Variants in SUFU observed in about 807,000 individuals in gnomAD.
The protein encoded by SUFU is SUFU negative regulator of hedgehog signaling, also known as suppressor of fused homolog.
A neutral mutation model predicts 58.9 loss-of-function variants in SUFU; 7 were observed. That is an observed-to-expected ratio of 0.12 (90% CI 0.07 to 0.22). SUFU has a LOEUF of 0.22. Ranked by LOEUF, SUFU falls within the 10% of genes least tolerant of loss-of-function variation. The pLI, the probability that SUFU is intolerant of heterozygous loss-of-function variation, is 1.00. For synonymous variants in SUFU, 232 were observed against 254.8 expected (o/e 0.91, Z 0.85); for missense variants, 451 against 641.3 (o/e 0.70, Z 3.20).
chr10:102,538,538 AAG>A (rs2062766236), intron 2 of SUFU, among the ~76,000 whole-genome samples: 1 of 152,164 alleles, frequency 6.6e-6, no homozygotes, highest in African/African-American at 2.4e-5. Flanking sequence ...TTTTTGAAAA[AAG>A]ACTTTTTTAG....
chr10:102,630,260 G>A lies in SUFU; in HGVS notation c.*105G>A, dbSNP rs2063826208. 1 of 1,076,810 alleles carries A rather than the reference G, an allele frequency of 9.3e-7. No homozygotes were observed. The highest frequency in any genetic ancestry group is 1.8e-5 in the Admixed American group (1 of 54,906). The allele number at this position is 1,076,810 out of a possible 1,614,324, so 66.7% of individuals were successfully genotyped here. A position where few individuals can be genotyped will look rare whatever the true frequency, so the allele number is the denominator to read the frequency against. ...GATCTCCACAAATAAAAGGACAAGT[G>A]TGAGGAAGACTGCGCAGTGCCACCC... is the stretch of plus-strand genomic sequence containing the variant. On this transcript the variant is annotated 3_prime_UTR_variant, in exon 12 of 12. Transcript: ENST00000369902.
intron 3 of SUFU, among the ~76,000 whole-genome samples, chr10:102,588,794 T>C (rs888711979): frequency 2.6e-5 from 4 of 152,258 alleles, no homozygotes; most frequent in Non-Finnish European, 5.9e-5. Context: ...CGAATTTCTT[T>C]CAATGATGTT....
At position 102,572,877 on chromosome 10, in the gene SUFU, A is replaced by G; in HGVS notation, c.455-19705A>G. ...TGTTGACCTTGGTCACATCAGTGTC[A>G]TAGAGCTTCTTCACAGCCTATTTGA... is the stretch of plus-strand genomic sequence containing the variant. On this transcript the variant is annotated intron_variant, in intron 3 of 11. Transcript: ENST00000369902. 5 of 809,768 alleles carry G rather than the reference A, an allele frequency of 6.2e-6. No individual in the cohort carries two copies. In the South Asian group the frequency reaches 6.6e-5, roughly 11 times the overall value. 50.2% of individuals were successfully genotyped at this position (809,768 alleles called of 1,614,324 possible). A position where few individuals can be genotyped will look rare whatever the true frequency, so the allele number is the denominator to read the frequency against.
At chr10:102,502,878 C>A (rs1345482147), upstream of SUFU, among the ~76,000 whole-genome samples, 1 of 152,190 alleles carries the variant, frequency 6.6e-6, no homozygotes, top group Non-Finnish European at 1.5e-5. Context: ...TGCGCAGTAC[C>A]CTGGGATTTG....
rs181290342 is a variant in SUFU, at chr10:102,567,449, C to T, written c.454+17343C>T. On this transcript the variant is annotated intron_variant, in intron 3 of 11. Coordinates refer to ENST00000369902, the MANE Select transcript of SUFU (RefSeq NM_016169.4). ...AGATTCCCTGGGAGTGGGTCTCCAC[C>T]GCCAGGCCTGTCTTCTTGCCTTGCA... Among the ~76,000 whole-genome samples, 670 of 152,226 alleles carry T rather than the reference C, an allele frequency of 4.4e-3. 7 individuals are homozygous for T. Among genetic ancestry groups the T allele is most frequent in the African/African-American group, 0.015 (633 of 41,538 alleles).
At chr10:102,610,400 A>AAAAAG (rs753763781) in intron 8 of SUFU, among the ~76,000 whole-genome samples, 2 of 151,546 alleles carry the variant, frequency 1.3e-5, no homozygotes, top group Admixed American at 6.6e-5. Context: ...CTCAAAAAAA[A>AAAAAG]AAAGAAAAAG....
In SUFU at chr10:102,618,931, C is replaced by CGCGT. The variant is rs370307566; in HGVS notation, c.1296+1504_1296+1505insCGTG. The CGCGT allele has an allele frequency of 3.8e-5, 22 of 575,448 alleles. No homozygotes were observed. In the African/African-American group the frequency reaches 4.8e-4, roughly 13 times the overall value. The allele number at this position is 575,448 out of a possible 1,614,324, so 35.6% of individuals were successfully genotyped here. On this transcript the variant is annotated intron_variant, in intron 10 of 11. Transcript: ENST00000369902. ...ATCATTCCCAAGTGTCCTCAGGTAG[C>CGCGT]GTGTGTGTGTGTGTGTGTGTGTGTG... is the stretch of plus-strand genomic sequence containing the variant.
At chr10:102,611,875 G>C (rs1170895625) in intron 8 of SUFU, among the ~76,000 whole-genome samples, 1 of 152,172 alleles carries the variant, frequency 6.6e-6, no homozygotes, top group Non-Finnish European at 1.5e-5. Context: ...CCATGCCCCT[G>C]GCAGTCCCCA....
At chr10:102,525,994 C>G (rs1266737807) in intron 2 of SUFU, among the ~76,000 whole-genome samples, 1 of 152,158 alleles carries the variant, frequency 6.6e-6, no homozygotes, top group Non-Finnish European at 1.5e-5. Flanking sequence ...AGGGCCCCAG[C>G]TACTCAGGAG....
At chr10:102,564,810 G>A (rs2063071658) in intron 3 of SUFU, among the ~76,000 whole-genome samples, 2 of 152,104 alleles carry the variant, frequency 1.3e-5, no homozygotes, top group African/African-American at 4.8e-5. Flanking sequence ...CTGTGGATCT[G>A]TGAAATATTT....
At position 102,504,039 on chromosome 10, in the gene SUFU, G is replaced by A; in HGVS notation, c.-114G>A. ...CGCAGGCGCGGAGCTAGACCTCGCT[G>A]CAGCCCCCATCGCCTCGGGGAGTCT... On this transcript the variant is annotated 5_prime_UTR_variant, in exon 1 of 12. Coordinates refer to ENST00000369902, the MANE Select transcript of SUFU (RefSeq NM_016169.4). 4 of 1,382,128 alleles carry A rather than the reference G, an allele frequency of 2.9e-6. No individual in the cohort carries two copies. The highest frequency in any genetic ancestry group is 3.8e-6 in the Non-Finnish European group (4 of 1,049,106). The allele number at this position is 1,382,128 out of a possible 1,614,324, so 85.6% of individuals were successfully genotyped here.
In SUFU at chr10:102,630,350, G is replaced by A. The variant is rs1026633413; in HGVS notation, c.*195G>A. ...CCACCTCACCTCCAGCTCAGGGGCCGCACCCCGCCGCTGGCTAAGCCTTGT... is the reference window on the plus strand; with the variant it reads ...CCACCTCACCTCCAGCTCAGGGGCCACACCCCGCCGCTGGCTAAGCCTTGT... On this transcript the variant is annotated 3_prime_UTR_variant, in exon 12 of 12. Transcript: ENST00000369902. The A allele has an allele frequency of 5.8e-5, 36 of 616,490 alleles. No homozygotes were observed. Among genetic ancestry groups the A allele is most frequent in the Non-Finnish European group, 8.7e-5 (30 of 345,046 alleles). 38.2% of individuals were successfully genotyped at this position (616,490 alleles called of 1,614,324 possible).
In SUFU at chr10:102,566,788, C is replaced by T. The variant is rs1422465043; in HGVS notation, c.454+16682C>T. 9.1e-5 allele frequency among the ~76,000 whole-genome samples: 11 copies of T among 120,264 alleles called. No individual in the cohort carries two copies. The East Asian group carries it at 1.8e-3, about 20-fold the overall frequency. 78.9% of individuals were successfully genotyped at this position (120,264 alleles called of 152,430 possible). ...TCAAAAAAAAAAAAAAAAAAAAGTACAGAAATTAGCCGGGCATGGTGGTGG... is the reference window on the plus strand; with the variant it reads ...TCAAAAAAAAAAAAAAAAAAAAGTATAGAAATTAGCCGGGCATGGTGGTGG... On this transcript the variant is annotated intron_variant, in intron 3 of 11. Transcript: ENST00000369902.
At chr10:102,556,042 A>G (rs2062972529) in intron 3 of SUFU, among the ~76,000 whole-genome samples, 1 of 152,236 alleles carries the variant, frequency 6.6e-6, no homozygotes, top group Non-Finnish European at 1.5e-5. Flanking sequence ...TAATCAAGCA[A>G]GTGAACTGTT....
Position 102,593,702 on chromosome 10 carries a change from C to G in SUFU, c.664C>G (p.Leu222Val), listed in dbSNP as rs765345575. The G allele has an allele frequency of 8.7e-6, 14 of 1,614,208 alleles. No homozygotes were observed. Among genetic ancestry groups the G allele is most frequent in the Admixed American group, 1.7e-5 (1 of 60,022 alleles). The change falls in exon 5 of 12, where the codon CTG (leucine) becomes GTG (valine). Residue 222 changes from leucine (L) to valine (V), a missense_variant. By Grantham distance (32) the Leu-to-Val change is conservative. Coordinates refer to ENST00000369902, the MANE Select transcript of SUFU (RefSeq NM_016169.4). ...GTGGAACGGGCAGGGCATCCTGGAG[C>G]TGCTGCGGACAGTGCCTATGTGAGT... ...QQWNGQGILE[L>V]LRTVPIAGGP...
At chr10:102,556,657 C>T (rs995412259) in intron 3 of SUFU, among the ~76,000 whole-genome samples, 4 of 127,840 alleles carry the variant, frequency 3.1e-5, no homozygotes, top group Non-Finnish European at 6.7e-5. Flanking sequence ...GCAGGAGAAT[C>T]GCTTGAACCC....
chr10:102,503,011 T>C (rs867838275), upstream of SUFU, among the ~76,000 whole-genome samples: 3 of 152,190 alleles, frequency 2.0e-5, no homozygotes, highest in Non-Finnish European at 4.4e-5. Context: ...CGAGTACTTG[T>C]CTGTAGTTCG....
chr10:102,526,351 G>A (rs2062608241), intron 2 of SUFU, among the ~76,000 whole-genome samples: 1 of 152,046 alleles, frequency 6.6e-6, no homozygotes, highest in Non-Finnish European at 1.5e-5. Flanking sequence ...CCAGGAGTTC[G>A]AGAGCAGCCT....
In SUFU at chr10:102,617,869, G is replaced by A; in HGVS notation, c.1296+441G>A. On this transcript the variant is annotated intron_variant, in intron 10 of 11. Transcript: ENST00000369902. The surrounding 1 kb of genome is among the most constrained non-coding windows in gnomAD (Gnocchi z 4.4). ...ACAGTGGCATGTGTGCCTGGACCAG[G>A]GCTGGGCAGGCCTCAGTGGGAAGAG... is the stretch of plus-strand genomic sequence containing the variant. 2.8e-6 allele frequency: 1 copy of A among 357,156 alleles called. No individual in the cohort carries two copies. The highest frequency in any genetic ancestry group is 7.2e-5 in the South Asian group (1 of 13,974). The allele number at this position is 357,156 out of a possible 1,614,324, so 22.1% of individuals were successfully genotyped here.
Sources: allele counts gnomAD v4.1 joint callset (sites outside exome capture counted in the v4.1 genomes callset), GRCh38; gene constraint gnomAD v4.1.1; non-coding constraint Gnocchi (gnomAD v3.1); transcripts MANE v1.5; gene names NCBI Gene and HGNC (gene_info 2026-07-23, HGNC 2026-07-21).